TTC28: variants seen among roughly 807,000 people sequenced by gnomAD.
TTC28 encodes the protein tetratricopeptide repeat protein 28.
TTC28 carries 61 observed loss-of-function variants against 198.0 expected under a neutral mutation model. That is an observed-to-expected ratio of 0.31 (90% CI 0.25 to 0.38). TTC28 has a LOEUF of 0.38. Among genes scored for constraint, TTC28 ranks in the 10% least tolerant of loss-of-function variants. The pLI is 1.00. For missense variants in TTC28, 2,678 were observed against 3,164.0 expected (o/e 0.85, Z 3.69); for synonymous variants, 1,171 against 1,297.8 (o/e 0.90, Z 2.10).
intron 5 of TTC28, among the ~76,000 whole-genome samples, chr22:28,284,691 T>C (rs2145745159): frequency 6.6e-6 from 1 of 152,106 alleles, no homozygotes; most frequent in Middle Eastern, 3.4e-3. Flanking sequence ...GCAAAGGACC[T>C]GAATAACATT....
In TTC28 at chr22:28,107,065, T is replaced by C; in HGVS notation, c.2780A>G (p.His927Arg). The C allele has an allele frequency of 2.6e-6, 4 of 1,545,826 alleles. No homozygotes were observed. The highest frequency in any genetic ancestry group is 3.5e-6 in the Non-Finnish European group (4 of 1,142,784). Residue 927 changes from histidine to arginine, a missense_variant, in exon 7 of 23, where the codon CAC becomes CGC. By Grantham distance (29) the His-to-Arg change is conservative. Around this residue, in one of 8 missense-constraint regions of TTC28, gnomAD observed 775 missense variants for 845.9 expected, o/e 0.92. Transcript: ENST00000397906. The part of the protein sequence containing the change: ...AKAYRGLGNG[H>R]RAMGSLQQAL... ...AATTGTCCTTGGTCATTTTTACCTG[T>C]GTCCATTTCCCAGGCCCCGGTAAGC...
At position 27,980,473 on chromosome 22, in the gene TTC28, T is replaced by TATTA. The variant is rs1936972419; in HGVS notation, c.*1744_*1747dup. ...CTCAGGAGAACACAGATTGGATAAA[T>TATTA]ATTATCCTTTCTTCTTTTCAGAGGA... On this transcript the variant is annotated 3_prime_UTR_variant, in exon 23 of 23. Coordinates refer to ENST00000397906, the MANE Select transcript of TTC28 (RefSeq NM_001145418.2). 1.3e-5 allele frequency: 2 copies of TATTA among 152,160 alleles called. No homozygotes were observed. The highest frequency in any genetic ancestry group is 2.9e-5 in the Non-Finnish European group (2 of 68,046). The allele number at this position is 152,160 out of a possible 1,614,324, so 9.4% of individuals were successfully genotyped here. A position where few individuals can be genotyped will look rare whatever the true frequency, so the allele number is the denominator to read the frequency against.
At chr22:28,519,832 T>C (rs2048864916) in intron 2 of TTC28, among the ~76,000 whole-genome samples, 1 of 152,220 alleles carries the variant, frequency 6.6e-6, no homozygotes, top group Non-Finnish European at 1.5e-5. Flanking sequence ...CATTGGTCTC[T>C]AGTGCATTGG....
chr22:28,663,337 C>T (rs1376206126), intron 1 of TTC28, among the ~76,000 whole-genome samples: 2 of 147,800 alleles, frequency 1.4e-5, no homozygotes, highest in Admixed American at 1.3e-4. Flanking sequence ...CAGCTCCCAG[C>T]GTGAGCGACA....
intron 2 of TTC28, among the ~76,000 whole-genome samples, chr22:28,614,675 C>G (rs1169149835): frequency 1.3e-5 from 2 of 152,242 alleles, no homozygotes; most frequent in African/African-American, 2.4e-5. Flanking sequence ...ACAAACCTGA[C>G]AGCAACAAGC....
At chr22:27,991,300 G>A (rs778342747) in intron 19 of TTC28, among the ~76,000 whole-genome samples, 2 of 152,236 alleles carry the variant, frequency 1.3e-5, no homozygotes, top group African/African-American at 2.4e-5. Flanking sequence ...CTTGCAAATG[G>A]AGTATAATTT....
chr22:28,117,948 T>C (rs1462183578), intron 6 of TTC28, among the ~76,000 whole-genome samples: 1 of 152,192 alleles, frequency 6.6e-6, no homozygotes, highest in Non-Finnish European at 1.5e-5. Flanking sequence ...TATAATTGGA[T>C]TATTTGTCAC....
intron 1 of TTC28, among the ~76,000 whole-genome samples, chr22:28,645,889 G>A (rs902615869): frequency 2.6e-5 from 4 of 152,016 alleles, no homozygotes; most frequent in Non-Finnish European, 4.4e-5. Flanking sequence ...AGCGTCCCAC[G>A]TAGCTAGGAT....
At chr22:28,541,906 C>A (rs993246329) in intron 2 of TTC28, among the ~76,000 whole-genome samples, 4 of 151,844 alleles carry the variant, frequency 2.6e-5, no homozygotes, top group Admixed American at 1.3e-4. Context: ...TATAGCAAGA[C>A]CCCCATGTCT....
Position 28,198,703 on chromosome 22 carries a change from C to T in TTC28, c.934-35104G>A, listed in dbSNP as rs533327164. Among the ~76,000 whole-genome samples the T allele has an allele frequency of 1.3e-3, 195 of 152,076 alleles. 1 individual carries two copies. Among genetic ancestry groups the T allele is most frequent in the Non-Finnish European group, 5.9e-4 (40 of 67,972 alleles). On this transcript the variant is annotated intron_variant, in intron 5 of 22. Transcript: ENST00000397906. ...GGAAGAACAGGCTGGAGATAGGGCCCGGTTCCACACACGTATTGAGACTCA... is the reference window on the plus strand; with the variant it reads ...GGAAGAACAGGCTGGAGATAGGGCCTGGTTCCACACACGTATTGAGACTCA...
At chr22:28,539,259 G>T (rs1369522203) in intron 2 of TTC28, among the ~76,000 whole-genome samples, 2 of 152,186 alleles carry the variant, frequency 1.3e-5, no homozygotes, top group African/African-American at 4.8e-5. Context: ...GGGTAGATTT[G>T]AACTGGATGA....
At chr22:28,530,685 A>G (rs2049114876) in intron 2 of TTC28, among the ~76,000 whole-genome samples, 1 of 152,228 alleles carries the variant, frequency 6.6e-6, no homozygotes, top group Admixed American at 6.5e-5. Context: ...CACAAAGGGA[A>G]GCCCATCAGA....
At chr22:28,101,122 C>A (rs1206006819) in intron 9 of TTC28, 49 bp downstream of exon 9, 1 of 1,392,536 alleles carries the variant, frequency 7.2e-7, no homozygotes, top group African/African-American at 1.4e-5. Flanking sequence ...CTAAAGTCTC[C>A]CATGCTTCTG....
intron 2 of TTC28, among the ~76,000 whole-genome samples, chr22:28,590,130 T>TA (rs2050400505): frequency 6.9e-6 from 1 of 145,378 alleles, no homozygotes; most frequent in Admixed American, 6.9e-5. Flanking sequence ...ATTTCTAAAT[T>TA]TTTTTTTTTT....
chr22:28,215,559 G>C (rs779279271), intron 5 of TTC28, among the ~76,000 whole-genome samples: 1 of 152,110 alleles, frequency 6.6e-6, no homozygotes, highest in Non-Finnish European at 1.5e-5. Context: ...GGAAATAAAA[G>C]CAAGCTTATC....
At chr22:28,210,889 A>G (rs1926883228) in intron 5 of TTC28, among the ~76,000 whole-genome samples, 1 of 152,160 alleles carries the variant, frequency 6.6e-6, no homozygotes, top group Non-Finnish European at 1.5e-5. Flanking sequence ...GCCAGAGAGA[A>G]AGGTCGGGTT....
chr22:28,485,752 G>A (rs2048307500), intron 2 of TTC28, among the ~76,000 whole-genome samples: 1 of 152,102 alleles, frequency 6.6e-6, no homozygotes, highest in Non-Finnish European at 1.5e-5. Flanking sequence ...TCCACACTGT[G>A]AAAATGGAGG....
chr22:28,618,760 A>G (rs1417313785), intron 2 of TTC28, among the ~76,000 whole-genome samples: 1 of 151,872 alleles, frequency 6.6e-6, no homozygotes, highest in South Asian at 2.1e-4. Context: ...AATTAACAAG[A>G]AAAAAAATCA....
chr22:28,373,010 G>A (rs550209615), intron 2 of TTC28, among the ~76,000 whole-genome samples: 1 of 152,156 alleles, frequency 6.6e-6, no homozygotes, highest in South Asian at 2.1e-4. Flanking sequence ...GGGCAAAGAA[G>A]GCCATAACAG....
Sources: allele counts gnomAD v4.1 joint callset (sites outside exome capture counted in the v4.1 genomes callset), GRCh38; gene constraint gnomAD v4.1.1; regional missense constraint gnomAD v4.1.1; transcripts MANE v1.5; gene names NCBI Gene and HGNC (gene_info 2026-07-23, HGNC 2026-07-21).